Variants in RGR observed in about 807,000 individuals in gnomAD.
The protein encoded by RGR is RPE-retinal G protein-coupled receptor.
Under a neutral mutation model 28.6 loss-of-function variants are expected in RGR, and 30 were observed. The observed-to-expected ratio is 1.05, with a 90% CI of 0.78 to 1.42. RGR has a LOEUF of 1.42. Among genes scored for constraint, RGR ranks in the 40% most tolerant of loss-of-function variants. The pLI, the probability that RGR is intolerant of heterozygous loss-of-function variation, is 0.00. For synonymous variants in RGR, 180 were observed against 156.4 expected (o/e 1.15, Z -1.13); for missense variants, 404 against 375.6 (o/e 1.08, Z -0.62).
At chr10:84,248,849 A>G in intron 2 of RGR, 73 bp from the exon 3 acceptor site, 4 of 1,614,016 alleles carry the variant, frequency 2.5e-6, no homozygotes, top group Non-Finnish European at 3.4e-6. Flanking sequence ...CACACACTCC[A>G]AGCTGTACTT....
intron 4 of RGR, among the ~76,000 whole-genome samples, chr10:84,254,043 TG>T (rs1467822314): frequency 6.6e-6 from 1 of 152,222 alleles, no homozygotes; most frequent in African/African-American, 2.4e-5. Flanking sequence ...TCCCCACCAT[TG>T]GGTGAACATG....
rs1842922041 is a variant in RGR at position 84,258,882 on chromosome 10, A to G, written c.*243A>G. 2 of 531,546 alleles carry G rather than the reference A, an allele frequency of 3.8e-6. No individual in the cohort carries two copies. The highest frequency in any genetic ancestry group is 3.8e-5 in the African/African-American group (2 of 52,308). The allele number at this position is 531,546 out of a possible 1,614,324, so 32.9% of individuals were successfully genotyped here. Reference sequence around the variant, plus strand: ...GGCCTCAGGAAAGTCATTCCTTTTTAAAAATAATAATAAATGTAAGGGGGT... The same window carrying G: ...GGCCTCAGGAAAGTCATTCCTTTTTGAAAATAATAATAAATGTAAGGGGGT... On this transcript the variant is annotated 3_prime_UTR_variant, in exon 7 of 7. Transcript: ENST00000652092.
At chr10:84,252,834 T>C (rs1191819748) in intron 3 of RGR, 23 bp from the exon 4 acceptor site, 1 of 1,614,046 alleles carries the variant, frequency 6.2e-7, no homozygotes, top group South Asian at 1.1e-5. Flanking sequence ...CACAACCTCC[T>C]CTTCTTCCTC....
At position 84,247,556 on chromosome 10, in the gene RGR, G is replaced by A; in HGVS notation, c.80-35G>A. ...CTGTTCTGACCCCAGCTGGGCCTCA[G>A]CAGCCCCAATGCCAGCCCCCACCCT... On this transcript the variant is annotated intron_variant, in intron 1 of 6. Coordinates refer to ENST00000652092, the MANE Select transcript of RGR (RefSeq NM_001012720.2). 4 of 1,612,912 alleles carry A rather than the reference G, an allele frequency of 2.5e-6. No individual in the cohort carries two copies. In the East Asian group the frequency reaches 8.9e-5, roughly 36 times the overall value.
intron 3 of RGR, chr10:84,250,799 T>G (rs1429339782): frequency 5.2e-6 from 1 of 194,052 alleles, no homozygotes; most frequent in Non-Finnish European, 1.1e-5. Flanking sequence ...AGGTAGATAT[T>G]AATTATTGTG....
Position 84,258,794 on chromosome 10 carries a change from C to A in RGR, c.*155C>A. ...ACACAGGATTCAGAAAGACACCAGGCTGCACAGAAAGAGCCAGATGGACCT... is the reference window on the plus strand; with the variant it reads ...ACACAGGATTCAGAAAGACACCAGGATGCACAGAAAGAGCCAGATGGACCT... On this transcript the variant is annotated 3_prime_UTR_variant, in exon 7 of 7. Transcript: ENST00000652092. 2 of 1,146,746 alleles carry A rather than the reference C, an allele frequency of 1.7e-6. No homozygotes were observed. The highest frequency in any genetic ancestry group is 2.5e-6 in the Non-Finnish European group (2 of 796,590). 71.0% of individuals were successfully genotyped at this position (1,146,746 alleles called of 1,614,324 possible). A position where few individuals can be genotyped will look rare whatever the true frequency, so the allele number is the denominator to read the frequency against.
intron 5 of RGR, among the ~76,000 whole-genome samples, chr10:84,257,477 G>T (rs1842902159): frequency 6.6e-6 from 1 of 152,168 alleles, no homozygotes; most frequent in African/African-American, 2.4e-5. Context: ...GCTCATGCTT[G>T]TAATCCCAGC....
chr10:84,245,273 C>G, intron 1 of RGR, 104 bp downstream of exon 1: 1 of 1,145,052 alleles, frequency 8.7e-7, no homozygotes, highest in South Asian at 1.4e-5. Flanking sequence ...CCAAACCCAG[C>G]TGGGTGTCCG....
intron 2 of RGR, 174 bp from the exon 3 acceptor site, chr10:84,248,748 C>T (rs1842778185): frequency 2.6e-6 from 3 of 1,134,148 alleles, no homozygotes; most frequent in Non-Finnish European, 2.6e-6. Context: ...TGGGCTCCAC[C>T]CCTTCAGCCC....
chr10:84,252,585 A>C (rs1842831924), intron 3 of RGR, among the ~76,000 whole-genome samples: 1 of 152,162 alleles, frequency 6.6e-6, no homozygotes. Flanking sequence ...TGAGGCTCTG[A>C]GTTATTAAGC....
chr10:84,256,755 A>T (rs769856667), intron 5 of RGR, among the ~76,000 whole-genome samples: 1 of 152,102 alleles, frequency 6.6e-6, no homozygotes. Flanking sequence ...CATTTACTGG[A>T]GGCTCAGGCA....
rs1842927583 is a variant in RGR, at chr10:84,259,435, T to G, written c.*796T>G. ...GGACTGCTGGATCAAATGGTAGCTC[T>G]ATTTTTAAGACAGTATGGAGAAATC... On this transcript the variant is annotated 3_prime_UTR_variant, in exon 7 of 7. Coordinates refer to ENST00000652092, the MANE Select transcript of RGR (RefSeq NM_001012720.2). The G allele has an allele frequency of 6.6e-6, 1 of 152,310 alleles. No homozygotes were observed. The highest frequency in any genetic ancestry group is 1.5e-5 in the Non-Finnish European group (1 of 68,120). 9.4% of individuals were successfully genotyped at this position (152,310 alleles called of 1,614,324 possible). A position where few individuals can be genotyped will look rare whatever the true frequency, so the allele number is the denominator to read the frequency against.
At chr10:84,245,526 C>T (rs1419339209) in intron 1 of RGR, among the ~76,000 whole-genome samples, 1 of 152,176 alleles carries the variant, frequency 6.6e-6, no homozygotes, top group African/African-American at 2.4e-5. Flanking sequence ...CTGAGAATCC[C>T]ACATAAGATC....
Position 84,254,698 on chromosome 10 carries a change from C to T in RGR, c.630+255C>T, listed in dbSNP as rs144077161. On this transcript the variant is annotated intron_variant, in intron 5 of 6. Transcript: ENST00000652092. ...GTTTATTTTTCTTCTCTTCCCAAGG[C>T]TGCCTAATCTCTAGCCAGCATCTGC... Among the ~76,000 whole-genome samples, 381 of 152,300 alleles carry T rather than the reference C, an allele frequency of 2.5e-3. 4 individuals carry two copies. The highest frequency in any genetic ancestry group is 8.8e-3 in the African/African-American group (367 of 41,566).
In RGR at chr10:84,245,148, G is replaced by A. The variant is rs755641458; in HGVS notation, c.58G>A (p.Gly20Arg). ...CGGGGAGCTCGAGGTGCTGGCTGTGGGGATGGTGCTACTGGTGGAAGGTGA... is the reference window on the plus strand; with the variant it reads ...CGGGGAGCTCGAGGTGCTGGCTGTGAGGATGGTGCTACTGGTGGAAGGTGA... ...GFGELEVLAV[G>R]MVLLVEALSG... Residue 20 changes from glycine to arginine, a missense_variant, in exon 1 of 7, where the codon GGG (glycine) becomes AGG (arginine). Transcript: ENST00000652092. 5 of 1,613,122 alleles carry A rather than the reference G, an allele frequency of 3.1e-6. No individual in the cohort carries two copies. Among genetic ancestry groups the A allele is most frequent in the Non-Finnish European group, 4.2e-6 (5 of 1,179,840 alleles).
chr10:84,247,811 T>C, intron 2 of RGR, 64 bp downstream of exon 2: 1 of 1,610,960 alleles, frequency 6.2e-7, no homozygotes, highest in Non-Finnish European at 8.5e-7. Flanking sequence ...CCCTGGGCCC[T>C]GGGCAGCCAG....
Position 84,253,025 on chromosome 10 carries a change from G to A in RGR, c.512+15G>A, listed in dbSNP as rs1313903148. ...AAGGGGGACAGGTGAGGTGGGAGGA[G>A]CAGCTTCGAGGCTCCTATCCATGGG... is the stretch of plus-strand genomic sequence containing the variant. On this transcript the variant is annotated intron_variant, in intron 4 of 6. Coordinates refer to ENST00000652092, the MANE Select transcript of RGR (RefSeq NM_001012720.2). 2 of 1,611,622 alleles carry A rather than the reference G, an allele frequency of 1.2e-6. No homozygotes were observed. The highest frequency in any genetic ancestry group is 1.1e-5 in the South Asian group (1 of 90,988).
Position 84,252,882 on chromosome 10 carries a change from C to T in RGR, c.384C>T (p.Ala128=), listed in dbSNP as rs752799440. 1.5e-5 allele frequency: 24 copies of T among 1,614,010 alleles called. No individual in the cohort carries two copies. The East Asian group carries it at 2.2e-4, about 15-fold the overall frequency. The part of the protein sequence containing the change: ...CTRSQLAWNS[A]VSLVLFVWLS... The stretch of plus-strand genomic sequence containing the variant: ...GTAGCCAGCTGGCCTGGAACTCAGC[C>T]GTCTCTCTGGTGCTCTTCGTGTGGC... Residue 128 remains alanine (A), a synonymous_variant, in exon 4 of 7, where the codon GCC becomes GCT. Transcript: ENST00000652092.
At chr10:84,256,054 C>CT (rs1842881537) in intron 5 of RGR, among the ~76,000 whole-genome samples, 1 of 73,712 alleles carries the variant, frequency 1.4e-5, no homozygotes, top group Non-Finnish European at 2.6e-5. Flanking sequence ...TTTTTTTTTT[C>CT]CTTTCTTTTT....
Sources: gnomAD v4.1 joint callset for allele counts (sites outside exome capture counted in the v4.1 genomes callset) on GRCh38, gnomAD v4.1.1 for gene constraint, MANE v1.5 for transcripts, NCBI Gene and HGNC (gene_info 2026-07-23, HGNC 2026-07-21) for gene names.